Variants in MPC1 observed in about 807,000 individuals in gnomAD.
MPC1 encodes HSPC040 protein.
A neutral mutation model predicts 13.9 loss-of-function variants in MPC1; 6 were observed. That is an observed-to-expected ratio of 0.43 (90% CI 0.24 to 0.85). The LOEUF (loss-of-function observed/expected upper bound fraction) is 0.85, where lower values mean the gene tolerates loss of function less well. MPC1 is among the 40% of genes least tolerant of loss of function. The pLI, the probability that MPC1 is intolerant of heterozygous loss-of-function variation, is 0.24. For synonymous variants in MPC1, 47 were observed against 50.5 expected (o/e 0.93, Z 0.29); for missense variants, 115 against 143.3 (o/e 0.80, Z 1.01).
At position 166,382,848 on chromosome 6, in the gene MPC1, G is replaced by A. The variant is rs747983938; in HGVS notation, c.29C>T (p.Ala10Val). The change falls in exon 1 of 5, where the codon GCG becomes GTG. Residue 10 changes from alanine (A) to valine (V), a missense_variant. This residue lies in a region of MPC1 where 41 missense variants were observed against 34.2 expected (regional missense o/e 1.20). Transcript: ENST00000360961. MAGALVRKA[A>V]DYVRSKDFRD... is the part of the protein sequence containing the mutation. ...GAAATCCTTGCTTCGGACATAGTCC[G>A]CCGCTTTCCGCACCAACGCGCCCGC... 2 of 1,596,248 alleles carry A rather than the reference G, an allele frequency of 1.3e-6. No homozygotes were observed. The highest frequency in any genetic ancestry group is 2.7e-5 in the African/African-American group (2 of 72,948).
At chr6:166,376,793 T>A (rs1000849726) in intron 1 of MPC1, among the ~76,000 whole-genome samples, 1 of 152,232 alleles carries the variant, frequency 6.6e-6, no homozygotes, top group African/African-American at 2.4e-5. Context: ...TCTTGATTAA[T>A]GTTAACATGG....
chr6:166,382,090 C>A (rs983936013), intron 1 of MPC1, among the ~76,000 whole-genome samples: 4 of 152,262 alleles, frequency 2.6e-5, no homozygotes. Flanking sequence ...TGGTAGAAAC[C>A]GGCCAGGAAA....
chr6:166,375,569 CT>C (rs1306183970), intron 1 of MPC1, among the ~76,000 whole-genome samples: 3 of 151,132 alleles, frequency 2.0e-5, no homozygotes, highest in Admixed American at 6.6e-5. Context: ...ACTGCTTTAA[CT>C]GTATCCCACA....
intron 1 of MPC1, among the ~76,000 whole-genome samples, chr6:166,370,831 GA>G (rs959974573): frequency 1.6e-4 from 24 of 149,482 alleles, no homozygotes; most frequent in Admixed American, 3.3e-4. Flanking sequence ...ACCCTGTCTG[GA>G]AAAAAAAAGG....
At chr6:166,368,745 C>T (rs768203997) in intron 2 of MPC1, 5 of 984,798 alleles carry the variant, frequency 5.1e-6, no homozygotes, top group Non-Finnish European at 6.0e-6. Context: ...CTTTTCTTAC[C>T]CGTCCTGTTA....
chr6:166,377,227 A>T (rs571350443), intron 1 of MPC1, among the ~76,000 whole-genome samples: 17 of 147,146 alleles, frequency 1.2e-4, no homozygotes, highest in Non-Finnish European at 2.5e-4. Flanking sequence ...CACCCAGGCC[A>T]CCCTGGAAGC....
rs926589787 is a variant in MPC1, at chr6:166,375,867, A to C, written c.72-5646T>G. Among the ~76,000 whole-genome samples, 2 of 152,258 alleles carry C rather than the reference A, an allele frequency of 1.3e-5. 1 individual carries two copies. On this transcript the variant is annotated intron_variant, in intron 1 of 4. Coordinates refer to ENST00000360961, the MANE Select transcript of MPC1 (RefSeq NM_016098.4). Reference sequence around the variant, plus strand: ...AGAATGTGTATTCTGCTGCTGTTACATGTAGCAGTCTACTGATGTTCATCA... The same window carrying C: ...AGAATGTGTATTCTGCTGCTGTTACCTGTAGCAGTCTACTGATGTTCATCA...
intron 1 of MPC1, among the ~76,000 whole-genome samples, chr6:166,380,975 C>T (rs540665773): frequency 5.2e-5 from 7 of 135,778 alleles, no homozygotes; most frequent in East Asian, 4.3e-4. Context: ...GAAAAGAAAA[C>T]GGTTAAGTAA....
intron 1 of MPC1, among the ~76,000 whole-genome samples, chr6:166,372,337 A>G (rs1222208696): frequency 3.3e-5 from 5 of 152,214 alleles, no homozygotes; most frequent in African/African-American, 1.2e-4. Flanking sequence ...AAATCATACA[A>G]CAGCTTGATT....
At chr6:166,369,059 T>C (rs1463428241) in intron 2 of MPC1, 20 of 516,872 alleles carry the variant, frequency 3.9e-5, no homozygotes, top group Non-Finnish European at 4.7e-5. Flanking sequence ...ATGGAATAAA[T>C]CTAAACCTAA....
rs140023694 is a variant in MPC1 at position 166,375,860 on chromosome 6, C to T, written c.72-5639G>A. On this transcript the variant is annotated intron_variant, in intron 1 of 4. Transcript: ENST00000360961. ...CTTGAGAAGAATGTGTATTCTGCTG[C>T]TGTTACATGTAGCAGTCTACTGATG... Among the ~76,000 whole-genome samples the T allele has an allele frequency of 2.0e-4, 30 of 152,288 alleles. No homozygotes were observed. The East Asian group carries it at 5.2e-3, about 26-fold the overall frequency.
chr6:166,376,709 T>C (rs1262310714), intron 1 of MPC1, among the ~76,000 whole-genome samples: 1 of 152,252 alleles, frequency 6.6e-6, no homozygotes, highest in Admixed American at 6.5e-5. Context: ...CATTATCATA[T>C]GTAATGTCTC....
At position 166,382,732 on chromosome 6, in the gene MPC1, G is replaced by A; in HGVS notation, c.71+74C>T. On this transcript the variant is annotated intron_variant, in intron 1 of 4. Transcript: ENST00000360961. The stretch of plus-strand genomic sequence containing the variant: ...CCACCGCGTCCTCGCGGCCGCCCTC[G>A]TCGCGGACTGCACGGGTCGCAGCCT... The A allele has an allele frequency of 4.1e-6, 6 of 1,449,114 alleles. No homozygotes were observed. In the South Asian group the frequency reaches 6.5e-5, roughly 16 times the overall value. 89.8% of individuals were successfully genotyped at this position (1,449,114 alleles called of 1,614,324 possible).
intron 1 of MPC1, among the ~76,000 whole-genome samples, chr6:166,371,756 A>G (rs989535243): frequency 2.0e-5 from 3 of 152,168 alleles, no homozygotes; most frequent in East Asian, 3.8e-4. Context: ...TCTCCTATAC[A>G]TACATACCTA....
At chr6:166,375,151 G>T (rs1455436299) in intron 1 of MPC1, among the ~76,000 whole-genome samples, 1 of 152,192 alleles carries the variant, frequency 6.6e-6, no homozygotes, top group Non-Finnish European at 1.5e-5. Flanking sequence ...ATGGCTAAGT[G>T]ATTAGGTGGG....
chr6:166,366,559 CTTCAG>C (rs1448963949), intron 3 of MPC1, among the ~76,000 whole-genome samples: 3 of 152,220 alleles, frequency 2.0e-5, no homozygotes, highest in Non-Finnish European at 4.4e-5. Flanking sequence ...ATGACACAGT[CTTCAG>C]TTCAGTGTGC....
chr6:166,380,640 T>C (rs1334266454), intron 1 of MPC1, among the ~76,000 whole-genome samples: 1 of 152,076 alleles, frequency 6.6e-6, no homozygotes. Flanking sequence ...ATTCTTCCTA[T>C]GTAATGAAAC....
At chr6:166,369,352 A>C (rs572405556) in intron 2 of MPC1, 2 of 152,314 alleles carry the variant, frequency 1.3e-5, no homozygotes, top group Admixed American at 6.5e-5. Context: ...TAGTGAGCCA[A>C]GATAGTGCTA....
At chr6:166,368,837 A>T (rs1320613858) in intron 2 of MPC1, 11 of 985,356 alleles carry the variant, frequency 1.1e-5, no homozygotes, top group Middle Eastern at 1.0e-3. Context: ...GCCTTTCTCC[A>T]CTTGGTCTAT....
Sources: gnomAD v4.1 joint callset for allele counts (sites outside exome capture counted in the v4.1 genomes callset) on GRCh38, gnomAD v4.1.1 for gene constraint, gnomAD v4.1.1 regional missense constraint, MANE v1.5 for transcripts, NCBI Gene and HGNC (gene_info 2026-07-23, HGNC 2026-07-21) for gene names.